SDK1: variants seen among roughly 807,000 people sequenced by gnomAD.
The protein encoded by SDK1 is sidekick cell adhesion molecule 1, also known as protein sidekick-1.
SDK1 carries 157 observed loss-of-function variants against 245.5 expected under a neutral mutation model. The observed-to-expected ratio is 0.64, with a 90% CI of 0.56 to 0.73. SDK1 has a LOEUF of 0.73. Ranked by LOEUF, SDK1 falls within the 30% of genes least tolerant of loss-of-function variation. The probability of loss-of-function intolerance (pLI) is 0.00; values close to 1 mark genes in which losing one functional copy is unlikely to be tolerated. For synonymous variants in SDK1, 1,647 were observed against 1,278.5 expected (o/e 1.29, Z -6.15); for missense variants, 3,583 against 3,002.3 (o/e 1.19, Z -4.52).
At chr7:3,403,367 G>T (rs1262201714) in intron 1 of SDK1, among the ~76,000 whole-genome samples, 1 of 151,954 alleles carries the variant, frequency 6.6e-6, no homozygotes, top group Admixed American at 6.6e-5. Flanking sequence ...TCAAATGGTG[G>T]GAAATGAATT....
At chr7:3,501,389 A>AAAG (rs35729387) in intron 1 of SDK1, among the ~76,000 whole-genome samples, 16 of 151,420 alleles carry the variant, frequency 1.1e-4, no homozygotes, top group South Asian at 2.1e-4. Context: ...AAAAAAAAAA[A>AAAG]CTGATCAGGA....
At chr7:3,938,074 C>T (rs1205086654) in intron 5 of SDK1, among the ~76,000 whole-genome samples, 6 of 152,210 alleles carry the variant, frequency 3.9e-5, no homozygotes, top group Middle Eastern at 3.4e-3. Flanking sequence ...TGACCTCAGG[C>T]GATCCACCTG....
At chr7:3,991,086 C>G (rs1264689964) in intron 14 of SDK1, among the ~76,000 whole-genome samples, 3 of 152,212 alleles carry the variant, frequency 2.0e-5, no homozygotes. Context: ...CTCCACGTCG[C>G]ACGTTCCCGG....
intron 1 of SDK1, among the ~76,000 whole-genome samples, chr7:3,361,902 T>C (rs1232020678): frequency 6.6e-6 from 1 of 152,248 alleles, no homozygotes. Flanking sequence ...TTTTAAAATA[T>C]CTTTTAAGTA....
chr7:3,574,599 C>T (rs566739009), intron 1 of SDK1, among the ~76,000 whole-genome samples: 2 of 152,168 alleles, frequency 1.3e-5, no homozygotes, highest in South Asian at 4.2e-4. Flanking sequence ...GTGCAGCGTG[C>T]CTGCCATTTG....
At chr7:3,591,072 T>C (rs1171287513) in intron 1 of SDK1, among the ~76,000 whole-genome samples, 1 of 152,238 alleles carries the variant, frequency 6.6e-6, no homozygotes, top group East Asian at 1.9e-4. Flanking sequence ...TGATAATCAT[T>C]CTTTAATCAT....
intron 5 of SDK1, among the ~76,000 whole-genome samples, chr7:3,943,156 G>C (rs1780432046): frequency 1.3e-5 from 2 of 152,162 alleles, no homozygotes; most frequent in Admixed American, 1.3e-4. Flanking sequence ...CGATATTCTG[G>C]AAAATCCCAC....
At chr7:3,480,952 G>T (rs1353778183) in intron 1 of SDK1, among the ~76,000 whole-genome samples, 1 of 152,120 alleles carries the variant, frequency 6.6e-6, no homozygotes, top group African/African-American at 2.4e-5. Context: ...GTATCCTTGT[G>T]TTTTAAGTGT....
At chr7:3,722,707 A>G (rs1482696745) in intron 4 of SDK1, among the ~76,000 whole-genome samples, 1 of 152,164 alleles carries the variant, frequency 6.6e-6, no homozygotes, top group African/African-American at 2.4e-5. Context: ...GGCTGAACTC[A>G]AGTGCCCCAC....
At chr7:4,050,882 A>G (rs981608729) in intron 18 of SDK1, among the ~76,000 whole-genome samples, 1 of 144,264 alleles carries the variant, frequency 6.9e-6, no homozygotes, top group African/African-American at 2.5e-5. Flanking sequence ...TATATTATAT[A>G]TACCATATAG....
intron 1 of SDK1, among the ~76,000 whole-genome samples, chr7:3,508,234 T>C (rs1165097701): frequency 6.6e-6 from 1 of 152,102 alleles, no homozygotes; most frequent in South Asian, 2.1e-4. Context: ...GGCTGTTGAC[T>C]TCTCTGTCCC....
intron 17 of SDK1, among the ~76,000 whole-genome samples, chr7:4,031,890 G>A (rs574476810): frequency 3.2e-4 from 48 of 152,170 alleles, no homozygotes; most frequent in African/African-American, 1.1e-3. Context: ...AGCCGGGCAT[G>A]GTGGTGCACG....
At chr7:3,513,578 TG>T (rs1161616621) in intron 1 of SDK1, among the ~76,000 whole-genome samples, 2 of 152,340 alleles carry the variant, frequency 1.3e-5, no homozygotes, top group East Asian at 3.9e-4. Context: ...ATATTTAAAT[TG>T]TTTTAAATTA....
Position 4,051,764 on chromosome 7 carries a change from C to T in SDK1, c.2845C>T (p.Leu949=), listed in dbSNP as rs1431427055. The change falls in exon 19 of 45, where the codon CTG becomes TTG. Residue 949 remains leucine (L), a synonymous_variant. Coordinates refer to ENST00000404826, the MANE Select transcript of SDK1 (RefSeq NM_152744.4). ...KKFTAYFTSV[L]CFTTPGDGPP... ...GTTTACCGCCTACTTCACTTCCGTT[C>T]TGTGCTTCACCACCCCTGGGGACGG... is the stretch of plus-strand genomic sequence containing the variant. 1 of 1,613,900 alleles carries T rather than the reference C, an allele frequency of 6.2e-7. No individual in the cohort carries two copies. Among genetic ancestry groups the T allele is most frequent in the Non-Finnish European group, 8.5e-7 (1 of 1,179,972 alleles).
At chr7:3,803,437 A>C (rs962172156) in intron 4 of SDK1, among the ~76,000 whole-genome samples, 2 of 151,480 alleles carry the variant, frequency 1.3e-5, no homozygotes, top group Non-Finnish European at 2.9e-5. Context: ...CAGCCTCCTG[A>C]GTAGCTGGAA....
intron 1 of SDK1, among the ~76,000 whole-genome samples, chr7:3,399,292 T>C (rs1008066385): frequency 4.3e-4 from 66 of 152,106 alleles, no homozygotes; most frequent in African/African-American, 1.5e-3. Context: ...TTCCAGAGTT[T>C]TAATTTTGTT....
At chr7:3,490,484 A>G (rs760575914) in intron 1 of SDK1, among the ~76,000 whole-genome samples, 1 of 152,186 alleles carries the variant, frequency 6.6e-6, no homozygotes, top group Non-Finnish European at 1.5e-5. Context: ...TGTTCTGTAT[A>G]TCATTTTAAA....
At chr7:3,549,254 C>T (rs558456764) in intron 1 of SDK1, among the ~76,000 whole-genome samples, 3 of 152,314 alleles carry the variant, frequency 2.0e-5, no homozygotes, top group South Asian at 2.1e-4. Flanking sequence ...TTATAGTCTT[C>T]CTGTGAGGAT....
At chr7:3,953,886 G>A (rs563025714) in intron 7 of SDK1, among the ~76,000 whole-genome samples, 3 of 152,060 alleles carry the variant, frequency 2.0e-5, no homozygotes, top group Non-Finnish European at 2.9e-5. Context: ...TGTGGTTGGC[G>A]CACACTGCAA....
Sources: gnomAD v4.1 joint callset for allele counts (sites outside exome capture counted in the v4.1 genomes callset) on GRCh38, gnomAD v4.1.1 for gene constraint, MANE v1.5 for transcripts, NCBI Gene and HGNC (gene_info 2026-07-23, HGNC 2026-07-21) for gene names.